The following MAN2B2 variants were observed in gnomAD, a reference collection of about 807,000 sequenced individuals.
The protein encoded by MAN2B2 is epididymis-specific alpha-mannosidase.
MAN2B2 carries 106 observed loss-of-function variants against 117.1 expected under a neutral mutation model. The observed-to-expected ratio is 0.90, with a 90% CI of 0.77 to 1.06. MAN2B2 has a LOEUF of 1.06. Ranked by LOEUF, MAN2B2 falls within the 50% of genes least tolerant of loss-of-function variation. MAN2B2 has a pLI of 0.00. For missense variants in MAN2B2, 1,326 were observed against 1,381.4 expected (o/e 0.96, Z 0.64); for synonymous variants, 544 against 595.1 (o/e 0.91, Z 1.25).
At chr4:6,590,915 G>A (rs971618982) in intron 5 of MAN2B2, among the ~76,000 whole-genome samples, 2 of 152,060 alleles carry the variant, frequency 1.3e-5, no homozygotes, top group East Asian at 1.9e-4. Flanking sequence ...TTGGGAGGCC[G>A]AGGCAGGTGG....
chr4:6,598,725 G>A (rs1727206522), intron 9 of MAN2B2, among the ~76,000 whole-genome samples: 1 of 152,216 alleles, frequency 6.6e-6, no homozygotes, highest in Admixed American at 6.5e-5. Flanking sequence ...TTATATGCTA[G>A]CCCAGGGCCA....
At chr4:6,617,629 T>C in intron 17 of MAN2B2, 137 bp downstream of exon 17, 1 of 1,501,624 alleles carries the variant, frequency 6.7e-7, no homozygotes, top group East Asian at 2.5e-5. Context: ...ACCCCGCCCT[T>C]CTTCATGGTC....
intron 17 of MAN2B2, 66 bp downstream of exon 17, chr4:6,617,558 A>C (rs767740175): frequency 6.3e-7 from 1 of 1,590,776 alleles, no homozygotes; most frequent in Non-Finnish European, 8.6e-7. Context: ...AGCCCCAAGA[A>C]ACTGCCTTGG....
intron 5 of MAN2B2, 36 bp downstream of exon 5, chr4:6,589,196 A>G (rs1726763185): frequency 6.6e-7 from 1 of 1,507,928 alleles, no homozygotes; most frequent in African/African-American, 1.4e-5. Context: ...GGGATCTCAG[A>G]CAGCAGGGTC....
At position 6,622,489 on chromosome 4, in the gene MAN2B2, A is replaced by C. The variant is rs1712219020; in HGVS notation, c.*1204A>C. On this transcript the variant is annotated 3_prime_UTR_variant, in exon 19 of 19. Transcript: ENST00000285599. Reference sequence around the variant, plus strand: ...AGTCTCACTCTGTCGCCCAGGCTGGAGTGCAGTGTCAAGATCTCAGCTCAC... The same window carrying C: ...AGTCTCACTCTGTCGCCCAGGCTGGCGTGCAGTGTCAAGATCTCAGCTCAC... 1 of 148,954 alleles carries C rather than the reference A, an allele frequency of 6.7e-6. No individual in the cohort carries two copies. Among genetic ancestry groups the C allele is most frequent in the Non-Finnish European group, 1.5e-5 (1 of 67,660 alleles). The allele number at this position is 148,954 out of a possible 1,614,324, so 9.2% of individuals were successfully genotyped here. A position where few individuals can be genotyped will look rare whatever the true frequency, so the allele number is the denominator to read the frequency against.
chr4:6,593,243 A>G lies in MAN2B2; in HGVS notation c.751A>G (p.Ser251Gly), dbSNP rs1171657466. Reference protein sequence around the residue: ...PPQDGVYPNMSEPVTPANINL... With the variant: ...PPQDGVYPNMGEPVTPANINL... ...CCAAGATGGGGTGTACCCCAACATGAGTGAGCCTGTCACCCCAGCCAACAT... is the reference window on the plus strand; with the variant it reads ...CCAAGATGGGGTGTACCCCAACATGGGTGAGCCTGTCACCCCAGCCAACAT... Residue 251 changes from serine to glycine, a missense_variant, in exon 6 of 19, where the codon AGT becomes GGT. Ser to Gly is a moderately conservative substitution (Grantham distance 56). Coordinates refer to ENST00000285599, the MANE Select transcript of MAN2B2 (RefSeq NM_015274.3). 6.2e-7 allele frequency: 1 copy of G among 1,613,832 alleles called. No individual in the cohort carries two copies. The highest frequency in any genetic ancestry group is 8.5e-7 in the Non-Finnish European group (1 of 1,179,938).
At chr4:6,612,885 G>T (rs1417720369) in intron 15 of MAN2B2, among the ~76,000 whole-genome samples, 1 of 152,236 alleles carries the variant, frequency 6.6e-6, no homozygotes, top group Non-Finnish European at 1.5e-5. Flanking sequence ...GAAGGGCAGG[G>T]TGTAATTGGG....
intron 16 of MAN2B2, 95 bp downstream of exon 16, chr4:6,614,450 C>T: frequency 2.1e-6 from 3 of 1,436,284 alleles, no homozygotes; most frequent in East Asian, 2.3e-5. Context: ...CACCTTAGAG[C>T]TATCATGGCT....
At position 6,609,104 on chromosome 4, in the gene MAN2B2, C is replaced by A; in HGVS notation, c.1815-3C>A. On this transcript the variant is annotated splice_polypyrimidine_tract_variant and splice_region_variant and intron_variant, in intron 11 of 18. Coordinates refer to ENST00000285599, the MANE Select transcript of MAN2B2 (RefSeq NM_015274.3). The stretch of plus-strand genomic sequence containing the variant: ...TGACATCTTCTCTCTCCTGCCTCTG[C>A]AGACAGAGTAACCGAACGGTGCGCG... The A allele has an allele frequency of 6.2e-7, 1 of 1,611,940 alleles. No homozygotes were observed. Among genetic ancestry groups the A allele is most frequent in the Non-Finnish European group, 8.5e-7 (1 of 1,178,684 alleles).
At chr4:6,594,307 GTGGCGCCTGCAGCCTCAGGGAGGC>G (rs34654106) in intron 6 of MAN2B2, among the ~76,000 whole-genome samples, 67,019 of 151,910 alleles carry the variant, frequency 0.44, 15,106 homozygotes, top group East Asian at 0.63. Flanking sequence ...GCCAGGTGTG[GTGGCGCCTGCAGCCTCAGGGAGGC>G]TGAGGCAGAA....
Position 6,610,029 on chromosome 4 carries a change from T to C in MAN2B2, c.2238T>C (p.Tyr746=), listed in dbSNP as rs745551341. The part of the protein sequence containing the change: ...YQMQRRPYVS[Y]VNNSIARNYY... ...TGCAGCGGAGGCCCTACGTTTCCTA[T>C]GTGAACAACAGCATCGCCCGGGTAT... The change falls in exon 13 of 19, where the codon TAT becomes TAC. Residue 746 remains tyrosine, a synonymous_variant. Coordinates refer to ENST00000285599, the MANE Select transcript of MAN2B2 (RefSeq NM_015274.3). The C allele has an allele frequency of 9.9e-6, 16 of 1,613,964 alleles. No homozygotes were observed. Among genetic ancestry groups the C allele is most frequent in the East Asian group, 2.2e-5 (1 of 44,884 alleles).
At chr4:6,609,754 A>C in intron 12 of MAN2B2, 44 bp from the exon 13 acceptor site, 3 of 1,591,608 alleles carry the variant, frequency 1.9e-6, no homozygotes, top group Non-Finnish European at 2.6e-6. Context: ...AAGCATCTAG[A>C]AGGTTCCTGG....
chr4:6,579,145 C>T (rs1577269606), intron 3 of MAN2B2, among the ~76,000 whole-genome samples: 1 of 87,894 alleles, frequency 1.1e-5, no homozygotes, highest in Non-Finnish European at 2.5e-5. Context: ...CCACCATCAC[C>T]ACCACCATCA....
intron 3 of MAN2B2, among the ~76,000 whole-genome samples, chr4:6,579,458 CTT>C (rs1297392677): frequency 5.5e-5 from 8 of 145,126 alleles, no homozygotes; most frequent in Non-Finnish European, 1.1e-4. Context: ...CACCACCACC[CTT>C]CACCACCACA....
At chr4:6,599,655 T>C (rs1278110479) in intron 9 of MAN2B2, among the ~76,000 whole-genome samples, 12 of 119,596 alleles carry the variant, frequency 1.0e-4, no homozygotes, top group Non-Finnish European at 2.0e-4. Context: ...AGAGCGAGAC[T>C]CCGTCTCAAA....
rs1727079339 is a variant in MAN2B2, at chr4:6,596,193, A to AGGTGGGCGTGGTATCCAGGCGGGTGTG, written c.1058-897_1058-896insTGTGGGTGGGCGTGGTATCCAGGCGGG. 2.3e-4 allele frequency among the ~76,000 whole-genome samples: 33 copies of AGGTGGGCGTGGTATCCAGGCGGGTGTG among 144,938 alleles called. No homozygotes were observed. In the South Asian group the frequency reaches 6.9e-3, roughly 30 times the overall value. On this transcript the variant is annotated intron_variant, in intron 7 of 18. Coordinates refer to ENST00000285599, the MANE Select transcript of MAN2B2 (RefSeq NM_015274.3). ...GCGGGTGTGGGTGGGCGTGGCGTCC[A>AGGTGGGCGTGGTATCCAGGCGGGTGTG]GGTGGGCGTGGTATCCAGGCGGGCA...
intron 1 of MAN2B2, among the ~76,000 whole-genome samples, chr4:6,576,232 G>T (rs1726056263): frequency 6.6e-6 from 1 of 152,146 alleles, no homozygotes; most frequent in Admixed American, 6.5e-5. Context: ...TTCCTGTGCT[G>T]CCCCTCAATG....
intron 15 of MAN2B2, 29 bp from the exon 16 acceptor site, chr4:6,614,189 T>C: frequency 5.6e-6 from 9 of 1,608,632 alleles, no homozygotes; most frequent in Non-Finnish European, 6.8e-6. Context: ...CCCCAAACCC[T>C]CTCCTCACTC....
intron 13 of MAN2B2, among the ~76,000 whole-genome samples, chr4:6,610,446 C>T (rs1338957301): frequency 1.3e-5 from 2 of 152,210 alleles, no homozygotes; most frequent in African/African-American, 2.4e-5. Flanking sequence ...TGTGAGCCAC[C>T]GCGCCCGGCC....
Sources: gnomAD v4.1 joint callset for allele counts (sites outside exome capture counted in the v4.1 genomes callset) on GRCh38, gnomAD v4.1.1 for gene constraint, MANE v1.5 for transcripts, NCBI Gene and HGNC (gene_info 2026-07-23, HGNC 2026-07-21) for gene names.